The following GHR variants were observed in gnomAD, a reference collection of about 807,000 sequenced individuals.
GHR encodes GH receptor.
In GHR, 35 loss-of-function variants were observed where a neutral mutation model predicts 67.1. That is an observed-to-expected ratio of 0.52 (90% CI 0.40 to 0.69). The LOEUF is 0.69. Among genes scored for constraint, GHR ranks in the 30% least tolerant of loss-of-function variants. The probability of loss-of-function intolerance (pLI) is 0.00; values close to 1 mark genes in which losing one functional copy is unlikely to be tolerated. For synonymous variants in GHR, 272 were observed against 269.1 expected (o/e 1.01, Z -0.10); for missense variants, 792 against 764.6 (o/e 1.04, Z -0.42).
At chr5:42,647,067 C>T (rs1754768124) in intron 3 of GHR, among the ~76,000 whole-genome samples, 1 of 152,124 alleles carries the variant, frequency 6.6e-6, no homozygotes. Flanking sequence ...CTTCAGTACA[C>T]CATAAACATA....
chr5:42,598,221 T>C (rs952942563), intron 2 of GHR, among the ~76,000 whole-genome samples: 6 of 152,110 alleles, frequency 3.9e-5, no homozygotes, highest in Non-Finnish European at 7.4e-5. Context: ...GGTACCTAGA[T>C]AGTAGAGAGA....
chr5:42,700,189 G>A (rs1258990459), intron 6 of GHR, among the ~76,000 whole-genome samples, 187 bp downstream of exon 6: 1 of 152,144 alleles, frequency 6.6e-6, no homozygotes, highest in African/African-American at 2.4e-5. Flanking sequence ...GACAGGAGAT[G>A]CTTATGTATA....
At chr5:42,475,485 A>G (rs919341968) in intron 1 of GHR, among the ~76,000 whole-genome samples, 1 of 152,042 alleles carries the variant, frequency 6.6e-6, no homozygotes, top group Non-Finnish European at 1.5e-5. Context: ...ATGACTGGTT[A>G]AGATCATTGT....
chr5:42,718,876 C>A lies in GHR; in HGVS notation c.1369C>A (p.Gln457Lys). ...TATCCAAGCAGAGAAAAACAAACCACAACCACTTCCTACTGAAGGAGCTGA... is the reference window on the plus strand; with the variant it reads ...TATCCAAGCAGAGAAAAACAAACCAAAACCACTTCCTACTGAAGGAGCTGA... ...SVIQAEKNKP[Q>K]PLPTEGAEST... The change falls in exon 10 of 10, where the codon CAA (glutamine) becomes AAA (lysine). Residue 457 changes from glutamine (Q) to lysine (K), a missense_variant. Gln to Lys is a moderately conservative substitution (Grantham distance 53). Transcript: ENST00000230882. 7 of 1,614,088 alleles carry A rather than the reference C, an allele frequency of 4.3e-6. No homozygotes were observed. The highest frequency in any genetic ancestry group is 5.9e-6 in the Non-Finnish European group (7 of 1,179,970).
chr5:42,597,429 A>T (rs1157964548), intron 2 of GHR, among the ~76,000 whole-genome samples: 1 of 152,148 alleles, frequency 6.6e-6, no homozygotes, highest in East Asian at 1.9e-4. Flanking sequence ...ATTTCTGAGA[A>T]TTCAAAAACC....
intron 3 of GHR, among the ~76,000 whole-genome samples, chr5:42,672,571 G>A (rs4132107): frequency 0.012 from 1,782 of 152,140 alleles, 35 homozygotes; most frequent in African/African-American, 0.041. Context: ...GTCAGTAAAT[G>A]GCTAGTCAGT....
intron 3 of GHR, among the ~76,000 whole-genome samples, chr5:42,640,297 C>T (rs927998731): frequency 6.6e-6 from 1 of 152,056 alleles, no homozygotes; most frequent in African/African-American, 2.4e-5. Flanking sequence ...ACTGCTAATA[C>T]CCCACAAGCT....
At position 42,470,532 on chromosome 5, in the gene GHR, A is replaced by G. The variant is rs922090590; in HGVS notation, c.-12+46577A>G. On this transcript the variant is annotated intron_variant, in intron 1 of 9. Transcript: ENST00000230882. ...TGCAGATGTTCTATTGCTGTGTCCA[A>G]TGCTTGCTTCGTTCATATGAAATTT... 4.6e-5 allele frequency among the ~76,000 whole-genome samples: 7 copies of G among 152,152 alleles called. No individual in the cohort carries two copies. In the South Asian group the frequency reaches 6.2e-4, roughly 14 times the overall value.
intron 1 of GHR, among the ~76,000 whole-genome samples, chr5:42,509,591 C>T (rs1191973132): frequency 6.6e-6 from 1 of 152,294 alleles, no homozygotes; most frequent in African/African-American, 2.4e-5. Context: ...CACTTTATTT[C>T]CCTCTTGCAT....
chr5:42,629,345 G>T (rs1160298219), intron 3 of GHR, among the ~76,000 whole-genome samples: 1 of 131,856 alleles, frequency 7.6e-6, no homozygotes, highest in Non-Finnish European at 1.6e-5. Context: ...ACTGGGAGGA[G>T]ATGTTTGGGT....
intron 1 of GHR, among the ~76,000 whole-genome samples, chr5:42,525,165 T>C (rs1273191240): frequency 1.3e-5 from 2 of 152,096 alleles, no homozygotes; most frequent in South Asian, 2.1e-4. Context: ...ACTGTGCTGC[T>C]GGAAAAGCCG....
chr5:42,701,795 G>A (rs897337028), intron 6 of GHR, among the ~76,000 whole-genome samples: 2 of 152,030 alleles, frequency 1.3e-5, no homozygotes, highest in African/African-American at 2.4e-5. Flanking sequence ...ATTATATTGT[G>A]TAATAAAATG....
At chr5:42,593,530 G>C (rs555928806) in intron 2 of GHR, among the ~76,000 whole-genome samples, 39 of 152,258 alleles carry the variant, frequency 2.6e-4, no homozygotes, top group Non-Finnish European at 2.4e-4. Flanking sequence ...CACTGTTACT[G>C]CTGTCTTCCT....
intron 3 of GHR, among the ~76,000 whole-genome samples, chr5:42,672,697 G>A (rs929110827): frequency 8.6e-5 from 13 of 151,954 alleles, no homozygotes; most frequent in Admixed American, 4.6e-4. Flanking sequence ...CAAACTATAA[G>A]AATGTAATAT....
intron 1 of GHR, among the ~76,000 whole-genome samples, chr5:42,447,593 GC>G (rs1309239797): frequency 6.6e-6 from 1 of 151,834 alleles, no homozygotes; most frequent in African/African-American, 2.4e-5. Flanking sequence ...AAATGCATGT[GC>G]AAGTTGTGCA....
At chr5:42,639,439 G>A (rs1754361118) in intron 3 of GHR, among the ~76,000 whole-genome samples, 2 of 152,054 alleles carry the variant, frequency 1.3e-5, no homozygotes, top group South Asian at 4.1e-4. Context: ...ACTGCCGCAG[G>A]TTATCTTTTT....
rs1385504287 is a variant in GHR, at chr5:42,475,567, A to C, written c.-12+51612A>C. Among the ~76,000 whole-genome samples, 8 of 150,672 alleles carry C rather than the reference A, an allele frequency of 5.3e-5. 1 individual carries two copies. In the South Asian group the frequency reaches 1.7e-3, roughly 31 times the overall value. On this transcript the variant is annotated intron_variant, in intron 1 of 9. Transcript: ENST00000230882. The stretch of plus-strand genomic sequence containing the variant: ...GGGTGGCATTAAAGTGGTCATGCGC[A>C]TTTTGTATTTGTAATTATGTATTTT...
intron 3 of GHR, among the ~76,000 whole-genome samples, chr5:42,654,993 C>G (rs1277590395): frequency 1.3e-5 from 2 of 152,052 alleles, no homozygotes; most frequent in Admixed American, 1.3e-4. Context: ...CCCCTCATCC[C>G]CTTGTGTCTG....
At chr5:42,613,830 T>C (rs1753005544) in intron 2 of GHR, among the ~76,000 whole-genome samples, 1 of 152,098 alleles carries the variant, frequency 6.6e-6, no homozygotes, top group African/African-American at 2.4e-5. Context: ...CTTGCCCTAC[T>C]AAAGGTAGGG....
Sources: allele counts gnomAD v4.1 joint callset (sites outside exome capture counted in the v4.1 genomes callset), GRCh38; gene constraint gnomAD v4.1.1; transcripts MANE v1.5; gene names NCBI Gene and HGNC (gene_info 2026-07-23, HGNC 2026-07-21).